The following LCP1 variants were observed in gnomAD, a reference collection of about 807,000 sequenced individuals.
The protein encoded by LCP1 is plastin-2.
A neutral mutation model predicts 72.0 loss-of-function variants in LCP1; 23 were observed. That is an observed-to-expected ratio of 0.32 (90% CI 0.23 to 0.45). The LOEUF (loss-of-function observed/expected upper bound fraction) is 0.45. LCP1 is among the 20% of genes least tolerant of loss of function. The probability of loss-of-function intolerance (pLI) is 1.00; values close to 1 mark genes in which losing one functional copy is unlikely to be tolerated. For missense variants in LCP1, 571 were observed against 748.3 expected (o/e 0.76, Z 2.76); for synonymous variants, 245 against 275.4 (o/e 0.89, Z 1.09).
intron 8 of LCP1, among the ~76,000 whole-genome samples, chr13:46,150,299 A>C (rs1210816315): frequency 6.6e-6 from 1 of 152,164 alleles, no homozygotes; most frequent in Non-Finnish European, 1.5e-5. Flanking sequence ...TCCATCTGTC[A>C]TCATTGCCAA....
At chr13:46,129,401 T>C (rs1183594379) in intron 15 of LCP1, among the ~76,000 whole-genome samples, 1 of 152,114 alleles carries the variant, frequency 6.6e-6, no homozygotes, top group Non-Finnish European at 1.5e-5. Flanking sequence ...TATGTGTTTT[T>C]CCTTCTGCCT....
chr13:46,178,870 T>C (rs1337943255), intron 1 of LCP1, among the ~76,000 whole-genome samples: 2 of 152,246 alleles, frequency 1.3e-5, no homozygotes, highest in African/African-American at 4.8e-5. Context: ...TATAACCTTA[T>C]AAGCAGATTT....
intron 1 of LCP1, among the ~76,000 whole-genome samples, chr13:46,176,307 C>G: frequency 6.6e-6 from 1 of 152,048 alleles, no homozygotes; most frequent in East Asian, 1.9e-4. Context: ...TTACTAGGTA[C>G]CCCATAAATA....
chr13:46,161,576 C>T (rs1049242399), intron 1 of LCP1, among the ~76,000 whole-genome samples: 2 of 152,036 alleles, frequency 1.3e-5, no homozygotes, highest in African/African-American at 4.8e-5. Context: ...TTCTTTCCTT[C>T]TTCCTTCCTT....
Position 46,152,683 on chromosome 13 carries a change from C to T in LCP1, c.739+97G>A. On this transcript the variant is annotated intron_variant, in intron 7 of 15. Coordinates refer to ENST00000323076, the MANE Select transcript of LCP1 (RefSeq NM_002298.5). ...GGAATCAATATAACTGTGTAGTTTT[C>T]AAAACTTGAGAATTTCTGACATCTT... 10 of 1,299,618 alleles carry T rather than the reference C, an allele frequency of 7.7e-6. No individual in the cohort carries two copies. In the South Asian group the frequency reaches 1.3e-4, roughly 17 times the overall value. 80.5% of individuals were successfully genotyped at this position (1,299,618 alleles called of 1,614,324 possible). A position where few individuals can be genotyped will look rare whatever the true frequency, so the allele number is the denominator to read the frequency against.
chr13:46,128,245 CA>C (rs149340041), intron 15 of LCP1, among the ~76,000 whole-genome samples: 2,067 of 152,262 alleles, frequency 0.014, 46 homozygotes, highest in African/African-American at 0.045. Context: ...GAAAAGTTTG[CA>C]GACTACATTT....
chr13:46,147,527 A>G (rs1411305585), intron 9 of LCP1, among the ~76,000 whole-genome samples: 5 of 152,248 alleles, frequency 3.3e-5, no homozygotes, highest in African/African-American at 1.2e-4. Context: ...AGTTCACAAA[A>G]GATATTTACA....
In LCP1 at chr13:46,139,158, C is replaced by T. The variant is rs57793914; in HGVS notation, c.1502+3134G>A. Among the ~76,000 whole-genome samples the T allele has an allele frequency of 4.0e-3, 611 of 152,050 alleles. 4 individuals are homozygous for T. The highest frequency in any genetic ancestry group is 0.014 in the African/African-American group (574 of 41,432). ...CTGGAAATACACTGGTGAGAACAGCCCTGAGGAGTTTTCAATGATGTTCTG... is the reference window on the plus strand; with the variant it reads ...CTGGAAATACACTGGTGAGAACAGCTCTGAGGAGTTTTCAATGATGTTCTG... On this transcript the variant is annotated intron_variant, in intron 13 of 15. Coordinates refer to ENST00000323076, the MANE Select transcript of LCP1 (RefSeq NM_002298.5).
chr13:46,133,975 A>T, intron 14 of LCP1, 152 bp downstream of exon 14: 1 of 609,774 alleles, frequency 1.6e-6, no homozygotes, highest in Non-Finnish European at 2.8e-6. Flanking sequence ...TGGCTGATGA[A>T]CATCAAAACA....
chr13:46,177,077 T>A (rs777577070), intron 1 of LCP1, among the ~76,000 whole-genome samples: 1 of 152,210 alleles, frequency 6.6e-6, no homozygotes, highest in Admixed American at 6.5e-5. Flanking sequence ...ACAGGCTCCT[T>A]GTACTTGCAA....
At chr13:46,160,941 A>G (rs2045834479) in intron 1 of LCP1, among the ~76,000 whole-genome samples, 1 of 152,160 alleles carries the variant, frequency 6.6e-6, no homozygotes, top group Non-Finnish European at 1.5e-5. Flanking sequence ...ATATTATTCT[A>G]TAGTGCTGTA....
At chr13:46,149,368 T>C (rs1294241677) in intron 8 of LCP1, among the ~76,000 whole-genome samples, 1 of 152,210 alleles carries the variant, frequency 6.6e-6, no homozygotes, top group East Asian at 1.9e-4. Context: ...CCCTTCTATC[T>C]ACCCTCCCTT....
Position 46,126,507 on chromosome 13 carries a change from G to T in LCP1, c.*1084C>A, listed in dbSNP as rs11342. The T allele has an allele frequency of 0.41, 95,894 of 232,068 alleles. 20,232 individuals carry two copies. Among genetic ancestry groups the T allele is most frequent in the Middle Eastern group, 0.51 (392 of 774 alleles). 14.4% of individuals were successfully genotyped at this position (232,068 alleles called of 1,614,324 possible). A position where few individuals can be genotyped will look rare whatever the true frequency, so the allele number is the denominator to read the frequency against. On this transcript the variant is annotated 3_prime_UTR_variant, in exon 16 of 16. Coordinates refer to ENST00000323076, the MANE Select transcript of LCP1 (RefSeq NM_002298.5). ...GGGGTGCTATTGATTGGCACATATT[G>T]TCCCCCCTGGAGTTTAGGGGTGGCA...
intron 13 of LCP1, among the ~76,000 whole-genome samples, chr13:46,139,554 A>G (rs1341571824): frequency 1.3e-5 from 2 of 152,218 alleles, no homozygotes; most frequent in Non-Finnish European, 2.9e-5. Flanking sequence ...CCTTCCAGGT[A>G]GGAAAATGAA....
chr13:46,141,477 G>A (rs7139813), intron 13 of LCP1, among the ~76,000 whole-genome samples: 51,267 of 147,340 alleles, frequency 0.35, 9,632 homozygotes, highest in African/African-American at 0.5. Context: ...GTAATAAAGA[G>A]AAATCTTAAA....
At chr13:46,138,637 A>C (rs2045679294) in intron 13 of LCP1, among the ~76,000 whole-genome samples, 1 of 152,048 alleles carries the variant, frequency 6.6e-6, no homozygotes. Flanking sequence ...AATGGGGTTG[A>C]CCTGAGTTTG....
At chr13:46,134,302 A>T in intron 13 of LCP1, 52 bp from the exon 14 acceptor site, 1 of 1,576,770 alleles carries the variant, frequency 6.3e-7, no homozygotes, top group African/African-American at 1.4e-5. Flanking sequence ...AGAATTTAAT[A>T]TAAACAAAAA....
intron 1 of LCP1, among the ~76,000 whole-genome samples, chr13:46,172,156 G>C (rs1168805679): frequency 6.6e-6 from 1 of 152,218 alleles, no homozygotes. Flanking sequence ...TTTCCAAACA[G>C]ACAAAATAGA....
chr13:46,131,614 T>C (rs2045634600), intron 14 of LCP1, among the ~76,000 whole-genome samples: 1 of 152,036 alleles, frequency 6.6e-6, no homozygotes, highest in African/African-American at 2.4e-5. Flanking sequence ...TAGGTGCCCA[T>C]CAACAATGAA....
Sources: allele counts gnomAD v4.1 joint callset (sites outside exome capture counted in the v4.1 genomes callset), GRCh38; gene constraint gnomAD v4.1.1; transcripts MANE v1.5; gene names NCBI Gene and HGNC (gene_info 2026-07-23, HGNC 2026-07-21).